The following RPH3AL variants were observed in gnomAD, a reference collection of about 807,000 sequenced individuals.
The protein encoded by RPH3AL is rabphilin 3A like (without C2 domains), also known as rab effector Noc2.
In RPH3AL, 38 loss-of-function variants were observed where a neutral mutation model predicts 43.1. The ratio of observed to expected loss-of-function variants is 0.88; its 90% CI spans 0.68 to 1.15. The LOEUF (loss-of-function observed/expected upper bound fraction) is 1.15. Among genes scored for constraint, RPH3AL ranks in the 50% most tolerant of loss-of-function variants. The pLI is 0.00. For missense variants in RPH3AL, 462 were observed against 423.2 expected (o/e 1.09, Z -0.81); for synonymous variants, 189 against 176.3 (o/e 1.07, Z -0.57).
At chr17:216,917 C>G in intron 8 of RPH3AL, among the ~76,000 whole-genome samples, 1 of 152,182 alleles carries the variant, frequency 6.6e-6, no homozygotes, top group East Asian at 1.9e-4. Flanking sequence ...TGATTTAGCT[C>G]AAACTTCCAT....
intron 7 of RPH3AL, among the ~76,000 whole-genome samples, chr17:230,367 G>GA (rs1244972021): frequency 1.3e-5 from 2 of 152,234 alleles, no homozygotes; most frequent in Admixed American, 1.3e-4. Context: ...ATGGACGGAA[G>GA]AAGAGATCGG....
At position 274,400 on chromosome 17, in the gene RPH3AL, C is replaced by G. The variant is rs1221658134; in HGVS notation, c.438+7368G>C. The stretch of plus-strand genomic sequence containing the variant: ...GAAGCCGCCTGGGCAGCCTTCCTGG[C>G]ACTTCAGGGCTGCCAGTTCCTGGGG... On this transcript the variant is annotated intron_variant, in intron 6 of 9. Transcript: ENST00000331302. This position sits in a 1 kb window ranked among gnomAD's most constrained non-coding sequence, Gnocchi z 4.7. Among the ~76,000 whole-genome samples the G allele has an allele frequency of 6.6e-6, 1 of 152,254 alleles. No individual in the cohort carries two copies. Among genetic ancestry groups the G allele is most frequent in the Non-Finnish European group, 1.5e-5 (1 of 68,046 alleles).
At chr17:273,730 C>T (rs560173030) in intron 6 of RPH3AL, among the ~76,000 whole-genome samples, 3 of 152,244 alleles carry the variant, frequency 2.0e-5, no homozygotes, top group African/African-American at 2.4e-5. Flanking sequence ...AAACTTTTCC[C>T]GAGCACCTTT....
intron 7 of RPH3AL, among the ~76,000 whole-genome samples, chr17:238,734 C>T (rs8074031): frequency 1.3e-5 from 2 of 151,890 alleles, no homozygotes; most frequent in South Asian, 4.1e-4. Flanking sequence ...GCTACTTTCA[C>T]CTCCCACCCC....
intron 6 of RPH3AL, among the ~76,000 whole-genome samples, chr17:260,800 A>G (rs2042179992): frequency 6.6e-6 from 1 of 152,008 alleles, no homozygotes; most frequent in South Asian, 2.1e-4. Context: ...CCTCCCTCTC[A>G]GCCTCACCTC....
chr17:314,203 A>ACTGTGCCTCTTCATGGTCCCGGC (rs2043753037), intron 5 of RPH3AL, among the ~76,000 whole-genome samples: 1 of 151,978 alleles, frequency 6.6e-6, no homozygotes, highest in African/African-American at 2.4e-5. Context: ...GTGGGCCAGG[A>ACTGTGCCTCTTCATGGTCCCGGC]TCTGTGCCTC....
intron 3 of RPH3AL, among the ~76,000 whole-genome samples, chr17:325,641 A>T (rs1353338963): frequency 1.3e-5 from 2 of 152,174 alleles, no homozygotes; most frequent in Admixed American, 1.3e-4. Flanking sequence ...ACCGCCTGTT[A>T]TCACCGTCAA....
At chr17:223,134 G>C (rs1328554084) in intron 7 of RPH3AL, among the ~76,000 whole-genome samples, 1 of 151,110 alleles carries the variant, frequency 6.6e-6, no homozygotes, top group African/African-American at 2.4e-5. Context: ...AGGTTGCAGT[G>C]AGCTGAGATT....
Position 215,665 on chromosome 17 carries a change from G to C in RPH3AL, c.865C>G (p.Arg289Gly), listed in dbSNP as rs200217063. The C allele has an allele frequency of 1.6e-6, 2 of 1,276,618 alleles. No homozygotes were observed. Among genetic ancestry groups the C allele is most frequent in the Non-Finnish European group, 2.0e-6 (2 of 1,006,484 alleles). 79.1% of individuals were successfully genotyped at this position (1,276,618 alleles called of 1,614,324 possible). A position where few individuals can be genotyped will look rare whatever the true frequency, so the allele number is the denominator to read the frequency against. Residue 289 changes from arginine (R) to glycine (G), a missense_variant, in exon 9 of 10, where the codon CGA (arginine) becomes GGA (glycine). Arg to Gly is a moderately radical substitution (Grantham distance 125). Coordinates refer to ENST00000331302, the MANE Select transcript of RPH3AL (RefSeq NM_006987.4). The surrounding 1 kb of genome is among the most constrained non-coding windows in gnomAD (Gnocchi z 4.1). The part of the protein sequence containing the change: ...PPGGPRPGLT[R>G]RAPVKDTPGR... The stretch of plus-strand genomic sequence containing the variant: ...AGTTGGGTACTCACCGGGGCCCTTC[G>C]GGTCAGCCCGGGGCGGGGTCCCCCT...
chr17:332,460 G>A (rs1443275218), intron 2 of RPH3AL: 3 of 166,318 alleles, frequency 1.8e-5, no homozygotes, highest in South Asian at 1.5e-4. Context: ...GACCTTGGGT[G>A]CCCTAGAGGG....
intron 6 of RPH3AL, among the ~76,000 whole-genome samples, chr17:267,038 C>T (rs1692965080): frequency 6.6e-6 from 1 of 152,240 alleles, no homozygotes; most frequent in Non-Finnish European, 1.5e-5. Flanking sequence ...ACCCCATGGC[C>T]TTTGCATCAT....
intron 5 of RPH3AL, among the ~76,000 whole-genome samples, chr17:286,521 G>A (rs1414499732): frequency 2.6e-5 from 4 of 152,204 alleles, no homozygotes; most frequent in Non-Finnish European, 4.4e-5. Flanking sequence ...TGCTGCTTTC[G>A]TAAATCTCAG....
intron 6 of RPH3AL, among the ~76,000 whole-genome samples, chr17:272,629 T>C (rs1481906566): frequency 2.3e-5 from 3 of 132,634 alleles, no homozygotes; most frequent in African/African-American, 8.2e-5. Context: ...GGGGGAGGGA[T>C]AGCATTAGGA....
chr17:309,554 G>A lies in RPH3AL; in HGVS notation c.351+9866C>T, dbSNP rs1461611575. On this transcript the variant is annotated intron_variant, in intron 5 of 9. Coordinates refer to ENST00000331302, the MANE Select transcript of RPH3AL (RefSeq NM_006987.4). ...CTGCCAGCCCCCCTGCTGGGGGTCC[G>A]GGATATGGCACGTCCCCTGCCCTGC... is the stretch of plus-strand genomic sequence containing the variant. Among the ~76,000 whole-genome samples the A allele has an allele frequency of 4.8e-4, 69 of 143,542 alleles. 1 individual carries two copies. The highest frequency in any genetic ancestry group is 8.8e-4 in the East Asian group (4 of 4,522). 94.2% of individuals were successfully genotyped at this position (143,542 alleles called of 152,430 possible). A position where few individuals can be genotyped will look rare whatever the true frequency, so the allele number is the denominator to read the frequency against.
At chr17:220,032 C>T (rs2151499462) in intron 7 of RPH3AL, among the ~76,000 whole-genome samples, 1 of 152,324 alleles carries the variant, frequency 6.6e-6, no homozygotes, top group Middle Eastern at 3.4e-3. Flanking sequence ...GTTCTAGTTC[C>T]TCTAGTGGAA....
Position 268,934 on chromosome 17 carries a change from A to G in RPH3AL, c.438+12834T>C, listed in dbSNP as rs1311803157. On this transcript the variant is annotated intron_variant, in intron 6 of 9. Coordinates refer to ENST00000331302, the MANE Select transcript of RPH3AL (RefSeq NM_006987.4). ...CGCTCCGTCACCCAGGCTGGAGTGC[A>G]GTGCCGCGATCTCGGCTCACCGCAA... Among the ~76,000 whole-genome samples the G allele has an allele frequency of 2.6e-5, 4 of 151,564 alleles. No homozygotes were observed. In the South Asian group the frequency reaches 8.3e-4, roughly 32 times the overall value.
chr17:334,434 C>T (rs1319576495), intron 1 of RPH3AL, among the ~76,000 whole-genome samples: 1 of 152,002 alleles, frequency 6.6e-6, no homozygotes, highest in Non-Finnish European at 1.5e-5. Context: ...GGCAACCACC[C>T]CAGCAAGTGC....
In RPH3AL at chr17:339,828, T is replaced by C. The variant is rs184902262; in HGVS notation, c.-212-5894A>G. On this transcript the variant is annotated intron_variant, in intron 1 of 9. Transcript: ENST00000331302. ...CGGGGAGCACAGAGTTCCCAGAAACTGTAAGTCGCGCAGTAATTGGCCAAA... is the reference window on the plus strand; with the variant it reads ...CGGGGAGCACAGAGTTCCCAGAAACCGTAAGTCGCGCAGTAATTGGCCAAA... Among the ~76,000 whole-genome samples the C allele has an allele frequency of 7.4e-3, 1,130 of 152,200 alleles. 14 individuals are homozygous for C. Among genetic ancestry groups the C allele is most frequent in the African/African-American group, 0.026 (1,100 of 41,512 alleles).
chr17:241,678 A>G (rs1213074522), intron 7 of RPH3AL, among the ~76,000 whole-genome samples: 4 of 151,306 alleles, frequency 2.6e-5, no homozygotes, highest in Non-Finnish European at 5.9e-5. Flanking sequence ...AAGGGTTTGG[A>G]GATGAGGGTA....
Sources: gnomAD v4.1 joint callset for allele counts (sites outside exome capture counted in the v4.1 genomes callset) on GRCh38, gnomAD v4.1.1 for gene constraint, Gnocchi (gnomAD v3.1) non-coding constraint, MANE v1.5 for transcripts, NCBI Gene and HGNC (gene_info 2026-07-23, HGNC 2026-07-21) for gene names.